Variants in F13A1 observed in about 807,000 individuals in gnomAD.
The protein encoded by F13A1 is coagulation factor XIII A chain.
A neutral mutation model predicts 80.1 loss-of-function variants in F13A1; 47 were observed. That is an observed-to-expected ratio of 0.59 (90% CI 0.46 to 0.75). F13A1 has a LOEUF of 0.75. F13A1 is among the 30% of genes least tolerant of loss of function. The pLI is 0.00. For synonymous variants in F13A1, 349 were observed against 344.9 expected (o/e 1.01, Z -0.13); for missense variants, 817 against 930.4 (o/e 0.88, Z 1.59).
At chr6:6,219,315 G>A (rs1382522037) in intron 8 of F13A1, among the ~76,000 whole-genome samples, 1 of 147,236 alleles carries the variant, frequency 6.8e-6, no homozygotes, top group East Asian at 2.0e-4. Flanking sequence ...CCCCTGTTTA[G>A]CCTCCACCCT....
intron 1 of F13A1, among the ~76,000 whole-genome samples, chr6:6,319,084 A>T (rs1758731408): frequency 6.6e-6 from 1 of 152,258 alleles, no homozygotes; most frequent in Admixed American, 6.5e-5. Flanking sequence ...TTATGAGATT[A>T]TAAGTCACTT....
intron 4 of F13A1, among the ~76,000 whole-genome samples, chr6:6,265,604 C>A (rs1757832525): frequency 1.3e-5 from 2 of 152,122 alleles, no homozygotes; most frequent in African/African-American, 4.8e-5. Flanking sequence ...GCTTCTGCCG[C>A]AGACAGAAAG....
chr6:6,200,339 G>A (rs1189970841), intron 8 of F13A1, among the ~76,000 whole-genome samples: 1 of 152,140 alleles, frequency 6.6e-6, no homozygotes, highest in African/African-American at 2.4e-5. Context: ...GGCCGAGGCA[G>A]GAGAACTGCT....
chr6:6,295,878 G>A (rs1469124274), intron 3 of F13A1, among the ~76,000 whole-genome samples: 10,834 of 138,098 alleles, frequency 0.078, 518 homozygotes, highest in Middle Eastern at 0.12. Context: ...TATGGTTTTA[G>A]GTCTAACGTT....
intron 3 of F13A1, among the ~76,000 whole-genome samples, chr6:6,284,344 T>C (rs1561678834): frequency 6.6e-6 from 1 of 152,164 alleles, no homozygotes; most frequent in South Asian, 2.1e-4. Context: ...GTGTGTCATT[T>C]TCTATCACTT....
intron 4 of F13A1, among the ~76,000 whole-genome samples, chr6:6,259,569 C>T (rs755278046): frequency 1.3e-5 from 2 of 152,174 alleles, no homozygotes; most frequent in African/African-American, 4.8e-5. Context: ...ACACACATCA[C>T]CCACAGACAC....
chr6:6,318,304 A>C (rs1053654856), intron 2 of F13A1, among the ~76,000 whole-genome samples: 2 of 152,246 alleles, frequency 1.3e-5, no homozygotes, highest in African/African-American at 4.8e-5. Flanking sequence ...AACTTCTCTG[A>C]GGTTACAAGG....
chr6:6,178,372 C>T (rs1014725547), intron 11 of F13A1, among the ~76,000 whole-genome samples: 1 of 152,098 alleles, frequency 6.6e-6, no homozygotes, highest in African/African-American at 2.4e-5. Context: ...GGAGGGGATG[C>T]ATTCGAGAAC....
At chr6:6,160,814 A>G (rs1760560255) in intron 13 of F13A1, among the ~76,000 whole-genome samples, 1 of 152,148 alleles carries the variant, frequency 6.6e-6, no homozygotes, top group South Asian at 2.1e-4. Flanking sequence ...GCTTACTTTT[A>G]AAAACTCTTG....
chr6:6,298,017 T>C (rs1203171675), intron 3 of F13A1, among the ~76,000 whole-genome samples: 1 of 151,254 alleles, frequency 6.6e-6, no homozygotes, highest in African/African-American at 2.5e-5. Flanking sequence ...CCAGTAGTCA[T>C]TCAGGGGCAA....
intron 8 of F13A1, among the ~76,000 whole-genome samples, chr6:6,209,057 T>C (rs57436671): frequency 0.042 from 6,430 of 152,210 alleles, 343 homozygotes; most frequent in African/African-American, 0.12. Flanking sequence ...AGAGAGCCCA[T>C]GGATGGTAGA....
intron 6 of F13A1, among the ~76,000 whole-genome samples, chr6:6,230,674 C>A (rs938017388): frequency 6.6e-6 from 1 of 152,130 alleles, no homozygotes; most frequent in Non-Finnish European, 1.5e-5. Flanking sequence ...AGCTAAGAAC[C>A]CTAACAGTGT....
intron 14 of F13A1, among the ~76,000 whole-genome samples, chr6:6,148,792 T>C (rs1760326606): frequency 6.6e-6 from 1 of 152,178 alleles, no homozygotes; most frequent in Non-Finnish European, 1.5e-5. Flanking sequence ...GTTTTGACTG[T>C]CTCTGAGAAA....
At chr6:6,279,570 G>A (rs1196107662) in intron 3 of F13A1, among the ~76,000 whole-genome samples, 3 of 152,172 alleles carry the variant, frequency 2.0e-5, no homozygotes, top group Admixed American at 2.0e-4. Flanking sequence ...GAAGGTCACT[G>A]ACCAGATGCA....
At chr6:6,147,688 A>G (rs1025455468) in intron 14 of F13A1, among the ~76,000 whole-genome samples, 1 of 152,174 alleles carries the variant, frequency 6.6e-6, no homozygotes, top group Non-Finnish European at 1.5e-5. Context: ...CCTCAAATAG[A>G]AGCTAAGTAT....
intron 8 of F13A1, among the ~76,000 whole-genome samples, chr6:6,200,167 A>G (rs1761367313): frequency 6.6e-6 from 1 of 152,086 alleles, no homozygotes; most frequent in Non-Finnish European, 1.5e-5. Flanking sequence ...GATTGGATGA[A>G]GCGGAGGAGG....
chr6:6,290,369 A>G (rs1758206372), intron 3 of F13A1, among the ~76,000 whole-genome samples: 1 of 152,228 alleles, frequency 6.6e-6, no homozygotes, highest in Non-Finnish European at 1.5e-5. Flanking sequence ...TCAGTGTTGT[A>G]TGGAATAGAG....
intron 3 of F13A1, among the ~76,000 whole-genome samples, chr6:6,301,233 A>G (rs904286256): frequency 6.6e-6 from 1 of 152,216 alleles, no homozygotes; most frequent in African/African-American, 2.4e-5. Context: ...GGCAGCCATG[A>G]AGTTGAGGCT....
chr6:6,170,441 T>C (rs1465852151), intron 12 of F13A1, among the ~76,000 whole-genome samples: 2 of 152,198 alleles, frequency 1.3e-5, no homozygotes, highest in African/African-American at 4.8e-5. Context: ...AGTGCTGTGT[T>C]TTGCCACTGC....
Sources: gnomAD v4.1 joint callset for allele counts (sites outside exome capture counted in the v4.1 genomes callset) on GRCh38, gnomAD v4.1.1 for gene constraint, MANE v1.5 for transcripts, NCBI Gene and HGNC (gene_info 2026-07-23, HGNC 2026-07-21) for gene names.